The following BBX variants were observed in gnomAD, a reference collection of about 807,000 sequenced individuals.
The protein encoded by BBX is HMG box transcription factor BBX.
In BBX, 30 loss-of-function variants were observed where a neutral mutation model predicts 100.2. The ratio of observed to expected loss-of-function variants is 0.30; its 90% CI spans 0.22 to 0.41. The LOEUF (loss-of-function observed/expected upper bound fraction) is 0.41, where lower values mean the gene tolerates loss of function less well. Among genes scored for constraint, BBX ranks in the 10% least tolerant of loss-of-function variants. The probability of loss-of-function intolerance (pLI) is 1.00; values close to 1 mark genes in which losing one functional copy is unlikely to be tolerated. For missense variants in BBX, 1,023 were observed against 1,129.8 expected (o/e 0.91, Z 1.35); for synonymous variants, 376 against 388.1 (o/e 0.97, Z 0.37).
rs113756203 is a variant in BBX at position 107,745,324 on chromosome 3, C to G, written c.750+614C>G. Among the ~76,000 whole-genome samples the G allele has an allele frequency of 1.1e-3, 164 of 152,262 alleles. 4 individuals carry two copies. The highest frequency in any genetic ancestry group is 3.7e-3 in the African/African-American group (153 of 41,552). ...AACTCAATATGAGCCCTCACTGATA[C>G]ATTTTTTTCTTAAACTTTAAGCCAC... is the stretch of plus-strand genomic sequence containing the variant. On this transcript the variant is annotated intron_variant, in intron 8 of 17. Transcript: ENST00000325805.
At chr3:107,536,623 T>C (rs2048511759) in intron 2 of BBX, among the ~76,000 whole-genome samples, 1 of 152,176 alleles carries the variant, frequency 6.6e-6, no homozygotes, top group East Asian at 1.9e-4. Context: ...CACCTTTCTT[T>C]CTGCTTGTTT....
At chr3:107,676,330 G>C (rs1394636115) in intron 3 of BBX, among the ~76,000 whole-genome samples, 1 of 152,030 alleles carries the variant, frequency 6.6e-6, no homozygotes, top group Non-Finnish European at 1.5e-5. Flanking sequence ...ACATTAATTG[G>C]TTTCATTAAT....
chr3:107,523,272 G>A (rs565582780), intron 1 of BBX, among the ~76,000 whole-genome samples, 165 bp downstream of exon 1: 3 of 152,150 alleles, frequency 2.0e-5, no homozygotes, highest in African/African-American at 7.2e-5. Context: ...ACTTGAGGAA[G>A]ACGGAGGGAA....
At chr3:107,713,069 C>T (rs2107332122) in intron 4 of BBX, among the ~76,000 whole-genome samples, 1 of 152,340 alleles carries the variant, frequency 6.6e-6, no homozygotes, top group Admixed American at 6.5e-5. Flanking sequence ...TTCTACTCTC[C>T]ACCTGGCTGA....
chr3:107,809,059 C>T lies in BBX; in HGVS notation c.*3602C>T, dbSNP rs1372719545. Reference sequence around the variant, plus strand: ...TTTTGTTTTCTTATTAAGTCAGATGCTACTGTAAGTCAGATAAAATTTTGT... The same window carrying T: ...TTTTGTTTTCTTATTAAGTCAGATGTTACTGTAAGTCAGATAAAATTTTGT... On this transcript the variant is annotated 3_prime_UTR_variant, in exon 18 of 18. Coordinates refer to ENST00000325805, the MANE Select transcript of BBX (RefSeq NM_001142568.3). 1 of 152,198 alleles carries T rather than the reference C, an allele frequency of 6.6e-6. No individual in the cohort carries two copies. The highest frequency in any genetic ancestry group is 2.4e-5 in the African/African-American group (1 of 41,452). The allele number at this position is 152,198 out of a possible 1,614,324, so 9.4% of individuals were successfully genotyped here.
chr3:107,587,653 G>A (rs2052960627), intron 2 of BBX, among the ~76,000 whole-genome samples: 1 of 152,096 alleles, frequency 6.6e-6, no homozygotes, highest in Non-Finnish European at 1.5e-5. Context: ...CAAATAGTCG[G>A]GATCGTGACT....
chr3:107,592,955 A>AT (rs1349693346), intron 2 of BBX, among the ~76,000 whole-genome samples: 1 of 152,184 alleles, frequency 6.6e-6, no homozygotes, highest in Admixed American at 6.5e-5. Context: ...AAGAATTATG[A>AT]TTTTTTAAGG....
chr3:107,773,100 A>G lies in BBX; in HGVS notation c.1379A>G (p.Asp460Gly), dbSNP rs370518461. ...LKKKKKKSKMDRHGNDKSTPK... is the reference protein window; with the variant it reads ...LKKKKKKSKMGRHGNDKSTPK... The stretch of plus-strand genomic sequence containing the variant: ...AAGAAAAAGAAGAAAAGCAAAATGG[A>G]TCGACATGGAAATGATAAATCCACA... Residue 460 changes from aspartate to glycine, a missense_variant, in exon 11 of 18, where the codon GAT (aspartate) becomes GGT (glycine). Asp to Gly is a moderately conservative substitution (Grantham distance 94). Coordinates refer to ENST00000325805, the MANE Select transcript of BBX (RefSeq NM_001142568.3). This position sits in a 1 kb window ranked among gnomAD's most constrained non-coding sequence, Gnocchi z 4.1. The G allele has an allele frequency of 3.7e-6, 6 of 1,613,264 alleles. No homozygotes were observed. The highest frequency in any genetic ancestry group is 1.7e-5 in the Admixed American group (1 of 59,790).
intron 2 of BBX, among the ~76,000 whole-genome samples, chr3:107,537,432 A>C (rs539042289): frequency 5.5e-4 from 84 of 152,364 alleles, no homozygotes; most frequent in African/African-American, 1.9e-3. Context: ...TTAGTTAAAT[A>C]AATTATACTA....
chr3:107,623,393 G>A (rs1196533411), intron 2 of BBX, among the ~76,000 whole-genome samples: 1 of 152,174 alleles, frequency 6.6e-6, no homozygotes, highest in Non-Finnish European at 1.5e-5. Context: ...GGCCCAGCAT[G>A]TGAAAGAATA....
At chr3:107,777,084 C>T (rs1056107028) in intron 12 of BBX, among the ~76,000 whole-genome samples, 1 of 152,122 alleles carries the variant, frequency 6.6e-6, no homozygotes, top group East Asian at 1.9e-4. Flanking sequence ...AATTATGCAC[C>T]ACAATGAGTA....
intron 3 of BBX, among the ~76,000 whole-genome samples, chr3:107,659,249 AT>A (rs1241008779): frequency 6.6e-6 from 1 of 151,846 alleles, no homozygotes; most frequent in Non-Finnish European, 1.5e-5. Context: ...TATTATATTT[AT>A]TTTATTACAT....
intron 5 of BBX, among the ~76,000 whole-genome samples, chr3:107,723,872 T>C (rs939982823): frequency 2.0e-5 from 3 of 152,130 alleles, no homozygotes; most frequent in Admixed American, 1.3e-4. Flanking sequence ...AATAAACATA[T>C]GTGTGCATGT....
chr3:107,739,216 G>A (rs1033775630), intron 7 of BBX, among the ~76,000 whole-genome samples: 8 of 152,084 alleles, frequency 5.3e-5, no homozygotes, highest in Non-Finnish European at 8.8e-5. Flanking sequence ...TTAGATATGT[G>A]CCTCCTTTAG....
chr3:107,671,656 T>C (rs1008876713), intron 3 of BBX, among the ~76,000 whole-genome samples: 1 of 152,124 alleles, frequency 6.6e-6, no homozygotes, highest in Non-Finnish European at 1.5e-5. Flanking sequence ...AAAAAGACTT[T>C]TCAGAATTGT....
chr3:107,583,026 G>A (rs999492041), intron 2 of BBX, among the ~76,000 whole-genome samples: 1 of 151,372 alleles, frequency 6.6e-6, no homozygotes, highest in South Asian at 2.1e-4. Context: ...TTAGACGCAA[G>A]GCTGTTAGCC....
At position 107,772,633 on chromosome 3, in the gene BBX, C is replaced by T; in HGVS notation, c.912C>T (p.Cys304=). 1 of 1,575,056 alleles carries T rather than the reference C, an allele frequency of 6.3e-7. No individual in the cohort carries two copies. The highest frequency in any genetic ancestry group is 8.6e-7 in the Non-Finnish European group (1 of 1,167,810). Residue 304 remains cysteine, a synonymous_variant, in exon 11 of 18, where the codon TGC becomes TGT. Coordinates refer to ENST00000325805, the MANE Select transcript of BBX (RefSeq NM_001142568.3). ...KSALFQLAEM[C]LASEGMKMEE... ...ATTTTGTTTTAATTGTTTAGATGTG[C>T]CTGGCATCAGAAGGGATGAAAATGG...
At chr3:107,660,060 C>T (rs970427797) in intron 3 of BBX, among the ~76,000 whole-genome samples, 13 of 151,902 alleles carry the variant, frequency 8.6e-5, no homozygotes, top group African/African-American at 2.2e-4. Flanking sequence ...AGCAATTAAC[C>T]GTAAATTATG....
chr3:107,652,258 A>G (rs1284773151), intron 3 of BBX, among the ~76,000 whole-genome samples: 1 of 151,412 alleles, frequency 6.6e-6, no homozygotes, highest in African/African-American at 2.4e-5. Context: ...CTACATCACT[A>G]GAATAATTTT....
Sources: allele counts gnomAD v4.1 joint callset (sites outside exome capture counted in the v4.1 genomes callset), GRCh38; gene constraint gnomAD v4.1.1; non-coding constraint Gnocchi (gnomAD v3.1); transcripts MANE v1.5; gene names NCBI Gene and HGNC (gene_info 2026-07-23, HGNC 2026-07-21).